TMEM14B: variants seen among roughly 807,000 people sequenced by gnomAD.
TMEM14B encodes transmembrane protein 14B.
TMEM14B carries 9 observed loss-of-function variants against 14.8 expected under a neutral mutation model. That is an observed-to-expected ratio of 0.61 (90% CI 0.37 to 1.06). TMEM14B has a LOEUF of 1.06. Among genes scored for constraint, TMEM14B ranks in the 50% least tolerant of loss-of-function variants. TMEM14B has a pLI of 0.01. For missense variants in TMEM14B, 128 were observed against 143.6 expected (o/e 0.89, Z 0.56); for synonymous variants, 40 against 51.3 (o/e 0.78, Z 0.94).
downstream of TMEM14B, among the ~76,000 whole-genome samples, chr6:10,757,410 C>T (rs1327497807): frequency 6.6e-6 from 1 of 152,146 alleles, no homozygotes; most frequent in East Asian, 1.9e-4. Context: ...ATTCTCTCTC[C>T]TTGGCCTCCC....
intron 3 of TMEM14B, chr6:10,750,089 G>T: frequency 4.7e-6 from 1 of 214,894 alleles, no homozygotes; most frequent in Non-Finnish European, 9.4e-6. Flanking sequence ...GTGTGTCAGT[G>T]GCTGTGCTTG....
intron 5 of TMEM14B, chr6:10,755,514 G>A: frequency 7.2e-7 from 1 of 1,385,488 alleles, no homozygotes; most frequent in South Asian, 1.9e-5. Context: ...GCAGCCTTTT[G>A]TGTGACTTGC....
intron 4 of TMEM14B, 22 bp from the exon 5 acceptor site, chr6:10,755,120 C>T (rs1413421742): frequency 1.2e-6 from 2 of 1,612,070 alleles, no homozygotes; most frequent in African/African-American, 2.7e-5. Flanking sequence ...TGAGTTTTGA[C>T]CCTTCTTTGT....
chr6:10,755,104 G>T (rs1176639228), intron 4 of TMEM14B, 38 bp from the exon 5 acceptor site: 1 of 1,609,442 alleles, frequency 6.2e-7, no homozygotes, highest in Non-Finnish European at 8.5e-7. Context: ...CTGCGTAGAA[G>T]ACTAATGAGT....
At chr6:10,756,048 C>G (rs917755330) in intron 5 of TMEM14B, among the ~76,000 whole-genome samples, 4 of 152,064 alleles carry the variant, frequency 2.6e-5, no homozygotes, top group Non-Finnish European at 5.9e-5. Context: ...AGATTACATA[C>G]TCTACTCTGA....
intron 4 of TMEM14B, chr6:10,752,971 C>T (rs1771650647): frequency 1.3e-5 from 2 of 152,094 alleles, no homozygotes; most frequent in African/African-American, 4.8e-5. Context: ...CGCGGTGGCT[C>T]ACTCGTATAA....
intron 5 of TMEM14B, 125 bp from the exon 6 acceptor site, chr6:10,756,342 C>T (rs1232668067): frequency 4.6e-6 from 5 of 1,082,260 alleles, no homozygotes; most frequent in African/African-American, 1.6e-5. Flanking sequence ...TACCTCTGAC[C>T]ACTCTTGCCT....
At chr6:10,758,944 G>A (rs1484347389), downstream of TMEM14B, 2 of 127,598 alleles carry the variant, frequency 1.6e-5, no homozygotes, top group Non-Finnish European at 3.0e-5. Flanking sequence ...TTGAGATGGA[G>A]TATGGCTCTT....
chr6:10,757,015 T>C (rs980089009), downstream of TMEM14B: 4 of 976,208 alleles, frequency 4.1e-6, no homozygotes, highest in Admixed American at 2.5e-4. Flanking sequence ...AGAGCTGGTC[T>C]AGTTCATAGA....
chr6:10,752,029 A>G (rs897045816), intron 4 of TMEM14B, among the ~76,000 whole-genome samples: 3 of 151,950 alleles, frequency 2.0e-5, no homozygotes, highest in Admixed American at 1.3e-4. Context: ...TGATCTGTAC[A>G]TATCAGCTGG....
At position 10,752,910 on chromosome 6, in the gene TMEM14B, G is replaced by C. The variant is rs1460946092; in HGVS notation, c.202+1676G>C. On this transcript the variant is annotated intron_variant, in intron 4 of 5. Transcript: ENST00000379542. ...TCAGACAAGATCTAGCACATTCAGGGTGGTATGGCGGTAGACCACAAACTT... is the reference window on the plus strand; with the variant it reads ...TCAGACAAGATCTAGCACATTCAGGCTGGTATGGCGGTAGACCACAAACTT... 2.6e-5 allele frequency: 4 copies of C among 152,148 alleles called. 1 individual carries two copies. The highest frequency in any genetic ancestry group is 9.7e-5 in the African/African-American group (4 of 41,342). The allele number at this position is 152,148 out of a possible 1,614,324, so 9.4% of individuals were successfully genotyped here.
At chr6:10,758,749 A>C (rs1182060357), downstream of TMEM14B, among the ~76,000 whole-genome samples, 1 of 152,132 alleles carries the variant, frequency 6.6e-6, no homozygotes, top group African/African-American at 2.4e-5. Flanking sequence ...TTGTCAGTTG[A>C]TGCATGAATC....
At chr6:10,750,062 C>A in intron 3 of TMEM14B, 1 of 275,562 alleles carries the variant, frequency 3.6e-6, no homozygotes, top group Non-Finnish European at 7.0e-6. Flanking sequence ...GAAGTTTCCT[C>A]ATTAGGCCAG....
downstream of TMEM14B, among the ~76,000 whole-genome samples, chr6:10,758,163 G>A (rs1771868759): frequency 6.6e-6 from 1 of 152,090 alleles, no homozygotes; most frequent in Non-Finnish European, 1.5e-5. Flanking sequence ...TGCAGTGGTA[G>A]AGGCATCAGA....
downstream of TMEM14B, chr6:10,757,080 T>G: frequency 1.2e-6 from 1 of 817,008 alleles, no homozygotes; most frequent in Non-Finnish European, 1.5e-6. Flanking sequence ...ATTTAGAAAT[T>G]ACCTATTTTG....
downstream of TMEM14B, among the ~76,000 whole-genome samples, chr6:10,757,392 C>T (rs1771842130): frequency 6.6e-6 from 1 of 152,118 alleles, no homozygotes; most frequent in Non-Finnish European, 1.5e-5. Context: ...AACTCCTGGT[C>T]TCATGCGATT....
At chr6:10,759,748 C>G (rs1190311451), downstream of TMEM14B, 1 of 152,126 alleles carries the variant, frequency 6.6e-6, no homozygotes, top group African/African-American at 2.4e-5. Context: ...GTGACTGTTC[C>G]AATAAAACTA....
chr6:10,751,330 A>C, intron 4 of TMEM14B, 96 bp downstream of exon 4: 2 of 1,379,906 alleles, frequency 1.4e-6, no homozygotes, highest in South Asian at 1.3e-5. Flanking sequence ...AGTTCTTCCC[A>C]CTTAATTTAC....
chr6:10,753,822 G>GC (rs1771690817), intron 4 of TMEM14B, among the ~76,000 whole-genome samples: 1 of 150,930 alleles, frequency 6.6e-6, no homozygotes, highest in African/African-American at 2.5e-5. Flanking sequence ...CTTATCCTGA[G>GC]TTGTCCTCTT....
Sources: gnomAD v4.1 joint callset for allele counts (sites outside exome capture counted in the v4.1 genomes callset) on GRCh38, gnomAD v4.1.1 for gene constraint, MANE v1.5 for transcripts, NCBI Gene and HGNC (gene_info 2026-07-23, HGNC 2026-07-21) for gene names.